APOB: variants seen among roughly 807,000 people sequenced by gnomAD.
APOB encodes the protein apolipoprotein B-100.
APOB carries 153 observed loss-of-function variants against 314.1 expected under a neutral mutation model. That is an observed-to-expected ratio of 0.49 (90% CI 0.43 to 0.56). The LOEUF is 0.56. Ranked by LOEUF, APOB falls within the 20% of genes least tolerant of loss-of-function variation. The probability of loss-of-function intolerance (pLI) is 0.00; values close to 1 mark genes in which losing one functional copy is unlikely to be tolerated. For missense variants in APOB, 5,430 were observed against 5,350.7 expected, an observed-to-expected ratio of 1.01 and a Z score of -0.46; for synonymous variants, 2,087 against 2,036.4, an observed-to-expected ratio of 1.02 and a Z score of -0.67.
In APOB at chr2:21,012,079, G is replaced by C; in HGVS notation, c.4789C>G (p.Leu1597Val). ...TCAGCCTGATATTCAGAACGCAGCA[G>C]TGCATTTTGCTTAGAGAAGGTCATA... ...MDMTFSKQNA[L>V]LRSEYQADYE... The change falls in exon 26 of 29, where the codon CTG becomes GTG. Residue 1597 changes from leucine (L) to valine (V), a missense_variant. Physicochemically the swap from Leu to Val is conservative, Grantham distance 32 (BLOSUM62 1). Transcript: ENST00000233242. The C allele has an allele frequency of 6.2e-7, 1 of 1,614,148 alleles. No individual in the cohort carries two copies. The highest frequency in any genetic ancestry group is 2.2e-5 in the East Asian group (1 of 44,884).
In APOB at chr2:21,025,039, A is replaced by C; in HGVS notation, c.2330T>G (p.Leu777Arg). ...ACCAAGCTCCTCTCCCAAGATGCGGAGGTAGGCTCTGGCTTCCGGGACTTC... is the reference window on the plus strand; with the variant it reads ...ACCAAGCTCCTCTCCCAAGATGCGGCGGTAGGCTCTGGCTTCCGGGACTTC... The part of the protein sequence containing the change: ...SKEVPEARAY[L>R]RILGEELGFA... The change falls in exon 16 of 29, where the codon CTC (leucine) becomes CGC (arginine). Residue 777 changes from leucine (L) to arginine (R), a missense_variant. By Grantham distance (102) the Leu-to-Arg change is moderately radical. Transcript: ENST00000233242. 1.9e-6 allele frequency: 3 copies of C among 1,614,254 alleles called. No individual in the cohort carries two copies. The highest frequency in any genetic ancestry group is 1.7e-6 in the Non-Finnish European group (2 of 1,180,048).
intron 24 of APOB, 148 bp from the exon 25 acceptor site, chr2:21,013,681 C>T: frequency 8.7e-7 from 1 of 1,150,524 alleles, no homozygotes; most frequent in Non-Finnish European, 1.3e-6. Context: ...GCCTGGACCC[C>T]TTTGCTTTTA....
In APOB at chr2:21,008,936, C is replaced by A. The variant is rs761712756; in HGVS notation, c.7932G>T (p.Arg2644Ser). 1.9e-6 allele frequency: 3 copies of A among 1,613,970 alleles called. No individual in the cohort carries two copies. Among genetic ancestry groups the A allele is most frequent in the Non-Finnish European group, 2.5e-6 (3 of 1,179,922 alleles). Residue 2644 changes from arginine to serine, a missense_variant, in exon 26 of 29, where the codon AGG becomes AGT. Physicochemically the swap from Arg to Ser is moderately radical, Grantham distance 110. Transcript: ENST00000233242. ...KDLKNIKIPSRFSTPEFTILN... is the reference protein window; with the variant it reads ...KDLKNIKIPSSFSTPEFTILN... ...GGATGGTAAATTCTGGTGTGGAAAA[C>A]CTGGATGGGATTTTTATATTTTTTA...
chr2:21,002,992 A>G lies in APOB; in HGVS notation c.12430T>C (p.Trp4144Arg), dbSNP rs754404747. 3.8e-6 allele frequency: 6 copies of G among 1,585,648 alleles called. No individual in the cohort carries two copies. The highest frequency in any genetic ancestry group is 1.2e-5 in the South Asian group (1 of 86,494). ...ASGTTGTYQE[W>R]KDKAQNLYQE... is the part of the protein sequence containing the mutation. Reference sequence around the variant, plus strand: ...TACAGATTCTGGGCCTTGTCCTTCCACTCTTGGTAGGTCCCAGTGGTGCCA... The same window carrying G: ...TACAGATTCTGGGCCTTGTCCTTCCGCTCTTGGTAGGTCCCAGTGGTGCCA... Residue 4144 changes from tryptophan (W) to arginine (R), a missense_variant, in exon 29 of 29, where the codon TGG becomes CGG. Around this residue, in one of 3 missense-constraint regions of APOB, gnomAD observed 3,281 missense variants for 3,171.0 expected, o/e 1.03. Transcript: ENST00000233242.
At position 21,043,850 on chromosome 2, in the gene APOB, G is replaced by A; in HGVS notation, c.82+14C>T. 3 of 1,523,510 alleles carry A rather than the reference G, an allele frequency of 2.0e-6. No homozygotes were observed. Among genetic ancestry groups the A allele is most frequent in the South Asian group, 1.2e-5 (1 of 83,078 alleles). The allele number at this position is 1,523,510 out of a possible 1,614,324, so 94.4% of individuals were successfully genotyped here. A position where few individuals can be genotyped will look rare whatever the true frequency, so the allele number is the denominator to read the frequency against. On this transcript the variant is annotated intron_variant, in intron 1 of 28. Transcript: ENST00000233242. ...CCCGCTCCCTCTGCGCCCGCAGAGC[G>A]GCCGCGCACTCACCGGCCCTGGCGC...
intron 16 of APOB, 148 bp downstream of exon 16, chr2:21,024,785 C>T: frequency 2.5e-6 from 2 of 811,940 alleles, no homozygotes; most frequent in South Asian, 1.4e-5. Flanking sequence ...GAGTCATCTT[C>T]AGTGAAATTC....
chr2:21,025,069 G>C lies in APOB; in HGVS notation c.2300C>G (p.Ser767Cys). The change falls in exon 16 of 29, where the codon TCC (serine) becomes TGC (cysteine). Residue 767 changes from serine to cysteine, a missense_variant. Physicochemically the swap from Ser to Cys is moderately radical, Grantham distance 112. Around this residue, in one of 3 missense-constraint regions of APOB, gnomAD observed 2,085 missense variants for 2,079.7 expected, o/e 1.00. Transcript: ENST00000233242. ...SVEKLIKDLK[S>C]KEVPEARAYL... is the part of the protein sequence containing the mutation. The stretch of plus-strand genomic sequence containing the variant: ...GGCTCTGGCTTCCGGGACTTCTTTG[G>C]ATTTCAAATCTTTAATCAGCTTCTC... 6.2e-7 allele frequency: 1 copy of C among 1,614,240 alleles called. No individual in the cohort carries two copies. The highest frequency in any genetic ancestry group is 2.2e-5 in the East Asian group (1 of 44,884).
Position 21,007,160 on chromosome 2 carries a change from T to G in APOB, c.9708A>C (p.Glu3236Asp), listed in dbSNP as rs1304744303. The G allele has an allele frequency of 2.5e-6, 4 of 1,613,868 alleles. No homozygotes were observed. The African/African-American group carries it at 5.3e-5, about 22-fold the overall frequency. ...TCCTGGGGAGCTCGTCGTGAGATTT[T>G]TCAGCTTTGTACTTATCAAACTTAA... is the stretch of plus-strand genomic sequence containing the variant. ...TKIKFDKYKAEKSHDELPRTF... is the reference protein window; with the variant it reads ...TKIKFDKYKADKSHDELPRTF... Residue 3236 changes from glutamate to aspartate, a missense_variant, in exon 26 of 29, where the codon GAA becomes GAC. Around this residue, in one of 3 missense-constraint regions of APOB, gnomAD observed 3,281 missense variants for 3,171.0 expected, o/e 1.03. Coordinates refer to ENST00000233242, the MANE Select transcript of APOB (RefSeq NM_000384.3).
At chr2:21,017,667 T>A (rs1663512550) in intron 20 of APOB, among the ~76,000 whole-genome samples, 1 of 152,212 alleles carries the variant, frequency 6.6e-6, no homozygotes, top group Non-Finnish European at 1.5e-5. Flanking sequence ...AAGATGCCTG[T>A]CCTGGTTCCT....
In APOB at chr2:21,016,554, G is replaced by A; in HGVS notation, c.3217C>T (p.Leu1073Phe). The change falls in exon 21 of 29, where the codon CTC becomes TTC. Residue 1073 changes from leucine (L) to phenylalanine (F), a missense_variant. Physicochemically the swap from Leu to Phe is conservative, Grantham distance 22. Transcript: ENST00000233242. The part of the protein sequence containing the change: ...EVQIPDFDVD[L>F]GTILRVNDES... ...TCATTAACTCTGAGGATTGTTCCGA[G>A]GTCAACATCAAAATCCGGAATTTGG... 6.2e-7 allele frequency: 1 copy of A among 1,607,548 alleles called. No homozygotes were observed. Among genetic ancestry groups the A allele is most frequent in the Non-Finnish European group, 8.5e-7 (1 of 1,174,018 alleles).
In APOB at chr2:21,033,389, G is replaced by C; in HGVS notation, c.1034C>G (p.Ala345Gly). 6.2e-7 allele frequency: 1 copy of C among 1,614,122 alleles called. No individual in the cohort carries two copies. The highest frequency in any genetic ancestry group is 8.5e-7 in the Non-Finnish European group (1 of 1,179,982). The change falls in exon 9 of 29, where the codon GCT (alanine) becomes GGT (glycine). Residue 345 changes from alanine to glycine, a missense_variant. Transcript: ENST00000233242. ...LTISEQNIQR[A>G]NLFNKLVTEL... ...AGTAACCAGCTTATTGAAGAGATTA[G>C]CTCTCTGGATATTTTGCTCAGAGAT...
intron 2 of APOB, among the ~76,000 whole-genome samples, chr2:21,043,028 G>A (rs953898950): frequency 3.4e-5 from 5 of 146,430 alleles, no homozygotes; most frequent in African/African-American, 7.7e-5. Context: ...ATGACAGACG[G>A]CCACTAGATG....
intron 18 of APOB, 120 bp from the exon 19 acceptor site, chr2:21,020,025 C>G: frequency 2.3e-6 from 2 of 863,774 alleles, no homozygotes; most frequent in South Asian, 1.4e-5. Context: ...ACACCTATCT[C>G]TAACTATTTA....
chr2:21,043,450 C>T, intron 2 of APOB, 63 bp downstream of exon 2: 1 of 1,554,068 alleles, frequency 6.4e-7, no homozygotes, highest in Non-Finnish European at 8.7e-7. Context: ...CCCTCAGGGA[C>T]CCGGGTGTAG....
rs760734006 is a variant in APOB, at chr2:21,005,913, T to C, written c.10955A>G (p.Asn3652Ser). Residue 3652 changes from asparagine to serine, a missense_variant, in exon 26 of 29, where the codon AAT becomes AGT. Asn to Ser is a conservative substitution (Grantham distance 46). This residue lies in a region of APOB where 3,281 missense variants were observed against 3,171.0 expected (regional missense o/e 1.03). Transcript: ENST00000233242. ...GTCAAGGTGTGCCTTTTCTTGGTCA[T>C]TGGAAAGCTCGACCTGGCTCTGGAA... ...GSFQSQVELS[N>S]DQEKAHLDIA... The C allele has an allele frequency of 1.2e-6, 2 of 1,613,966 alleles. No individual in the cohort carries two copies. Among genetic ancestry groups the C allele is most frequent in the Non-Finnish European group, 1.7e-6 (2 of 1,179,946 alleles).
In APOB at chr2:21,015,211, G is replaced by T; in HGVS notation, c.3558C>A (p.Thr1186=). The change falls in exon 23 of 29, where the codon ACC becomes ACA. Residue 1186 remains threonine, a synonymous_variant. Coordinates refer to ENST00000233242, the MANE Select transcript of APOB (RefSeq NM_000384.3). ...CAGGGAAATTGGAAGTCATTTTTTTGGTATCTACATTGGTGCCTGTGTTCC... is the reference window on the plus strand; with the variant it reads ...CAGGGAAATTGGAAGTCATTTTTTTTGTATCTACATTGGTGCCTGTGTTCC... ...FEWNTGTNVD[T]KKMTSNFPVD... 1 of 1,614,082 alleles carries T rather than the reference G, an allele frequency of 6.2e-7. No individual in the cohort carries two copies. Among genetic ancestry groups the T allele is most frequent in the Non-Finnish European group, 8.5e-7 (1 of 1,180,002 alleles).
Position 21,009,097 on chromosome 2 carries a change from T to G in APOB, c.7771A>C (p.Lys2591Gln), listed in dbSNP as rs768800500. 6.2e-7 allele frequency: 1 copy of G among 1,614,040 alleles called. No individual in the cohort carries two copies. Among genetic ancestry groups the G allele is most frequent in the Non-Finnish European group, 8.5e-7 (1 of 1,179,940 alleles). Residue 2591 changes from lysine (K) to glutamine (Q), a missense_variant, in exon 26 of 29, where the codon AAG becomes CAG. This residue lies in a region of APOB where 3,281 missense variants were observed against 3,171.0 expected (regional missense o/e 1.03). Transcript: ENST00000233242. ...VEQGFTVPEI[K>Q]TILGTMPAFE... The stretch of plus-strand genomic sequence containing the variant: ...GCAGGCATGGTCCCAAGGATGGTCT[T>G]GATTTCAGGAACAGTGAACCCTTGC...
chr2:21,040,753 C>T (rs1398617071), intron 4 of APOB, among the ~76,000 whole-genome samples, 185 bp downstream of exon 4: 2 of 152,172 alleles, frequency 1.3e-5, no homozygotes, highest in African/African-American at 2.4e-5. Flanking sequence ...TTAAAGGAAC[C>T]TAACTAGGGA....
rs1558564705 is a variant in APOB, at chr2:21,011,023, A to G, written c.5845T>C (p.Ser1949Pro). The G allele has an allele frequency of 6.2e-7, 1 of 1,614,100 alleles. No homozygotes were observed. The highest frequency in any genetic ancestry group is 8.5e-7 in the Non-Finnish European group (1 of 1,180,004). Residue 1949 changes from serine (S) to proline (P), a missense_variant, in exon 26 of 29, where the codon TCC becomes CCC. By Grantham distance (74) the Ser-to-Pro change is moderately conservative. This residue lies in a region of APOB where 3,281 missense variants were observed against 3,171.0 expected (regional missense o/e 1.03). Transcript: ENST00000233242. ...AFTFSHDYKG[S>P]TSHHLVSRKS... ...CTAGACACGAGATGATGACTTGTGG[A>G]GCCTTTGTAATCATGAGAGAAAGTA...
Sources: allele counts gnomAD v4.1 joint callset (sites outside exome capture counted in the v4.1 genomes callset), GRCh38; gene constraint gnomAD v4.1.1; regional missense constraint gnomAD v4.1.1; transcripts MANE v1.5; gene names NCBI Gene and HGNC (gene_info 2026-07-23, HGNC 2026-07-21).